Variants in SCML4 observed in about 807,000 individuals in gnomAD.
The protein encoded by SCML4 is sex comb on midleg-like protein 4.
A neutral mutation model predicts 41.1 loss-of-function variants in SCML4; 34 were observed. That is an observed-to-expected ratio of 0.83 (90% confidence interval 0.63 to 1.10). The LOEUF is 1.10. Among genes scored for constraint, SCML4 ranks in the 50% least tolerant of loss-of-function variants. SCML4 has a pLI of 0.00. For synonymous variants in SCML4, 214 were observed against 220.9 expected (o/e 0.97, Z 0.28); for missense variants, 522 against 534.1 (o/e 0.98, Z 0.22).
At chr6:107,738,768 C>T (rs1231401586) in intron 5 of SCML4, among the ~76,000 whole-genome samples, 2 of 152,154 alleles carry the variant, frequency 1.3e-5, no homozygotes, top group Non-Finnish European at 2.9e-5. Flanking sequence ...GAGGCCCTTG[C>T]TAATGCTTTG....
Position 107,750,205 on chromosome 6 carries a change from A to G in SCML4, c.157-392T>C, listed in dbSNP as rs75051931. Among the ~76,000 whole-genome samples the G allele has an allele frequency of 5.1e-3, 770 of 152,318 alleles. 11 individuals carry two copies. The East Asian group carries it at 0.063, about 12-fold the overall frequency. On this transcript the variant is annotated intron_variant, in intron 2 of 7. Coordinates refer to ENST00000369020, the MANE Select transcript of SCML4 (RefSeq NM_198081.5). The stretch of plus-strand genomic sequence containing the variant: ...GGGCTTTCCCTGTATCCACCCAACC[A>G]GAGACCAACCCTTCACTGTCTCCCA...
At chr6:107,831,006 G>T in the SCML4 span, among the ~76,000 whole-genome samples, 1 of 152,138 alleles carries the variant, frequency 6.6e-6, no homozygotes. Context: ...ATTAGCAAAT[G>T]TGAGTCTCAG....
intron 6 of SCML4, among the ~76,000 whole-genome samples, chr6:107,717,462 C>T (rs187721293): frequency 3.4e-4 from 52 of 152,326 alleles, no homozygotes; most frequent in African/African-American, 1.2e-3. Flanking sequence ...CGATTTTAAA[C>T]ATCCCACAGT....
chr6:107,709,014 C>T (rs758977093), intron 6 of SCML4, among the ~76,000 whole-genome samples: 7 of 152,154 alleles, frequency 4.6e-5, no homozygotes, highest in Admixed American at 1.3e-4. Flanking sequence ...GAGAATGCCT[C>T]TGATGCTGAT....
the SCML4 span, among the ~76,000 whole-genome samples, chr6:107,841,502 T>C: frequency 6.6e-6 from 1 of 152,164 alleles, no homozygotes; most frequent in Non-Finnish European, 1.5e-5. Flanking sequence ...AAACACTCCT[T>C]TACAGCTGAG....
chr6:107,837,710 T>C, the SCML4 span, among the ~76,000 whole-genome samples: 1 of 152,094 alleles, frequency 6.6e-6, no homozygotes, highest in African/African-American at 2.4e-5. Flanking sequence ...CCTAAGGATT[T>C]GTTGAGTATA....
rs1338555222 is a variant in SCML4, at chr6:107,720,878, CGAG to C, written c.795_797del (p.Ser266del). 18 of 1,613,972 alleles carry C rather than the reference CGAG, an allele frequency of 1.1e-5. No individual in the cohort carries two copies. Among genetic ancestry groups the C allele is most frequent in the Non-Finnish European group, 1.3e-5 (15 of 1,180,022 alleles). The stretch of plus-strand genomic sequence containing the variant: ...CAGAGTTCTGCCTCTTGCAGTACAG[CGAG>C]GAGGAGGGGTGCAAGGAGCCCCTGT... On this transcript the variant is annotated inframe_deletion, in exon 6 of 8. Transcript: ENST00000369020.
At chr6:107,825,296 AG>A (rs1430617107), upstream of SCML4, among the ~76,000 whole-genome samples, 1 of 152,234 alleles carries the variant, frequency 6.6e-6, no homozygotes, top group Non-Finnish European at 1.5e-5. Context: ...AAACAAATTT[AG>A]CCGGGACTAA....
the SCML4 span, among the ~76,000 whole-genome samples, chr6:107,837,404 G>T: frequency 3.9e-5 from 6 of 152,182 alleles, no homozygotes; most frequent in Admixed American, 2.0e-4. Flanking sequence ...TAGGCATTAT[G>T]GTCCCTGACC....
Position 107,720,768 on chromosome 6 carries a change from G to C in SCML4, c.908C>G (p.Pro303Arg), listed in dbSNP as rs777935047. The C allele has an allele frequency of 2.5e-6, 4 of 1,611,860 alleles. No individual in the cohort carries two copies. The highest frequency in any genetic ancestry group is 3.4e-6 in the Non-Finnish European group (4 of 1,178,784). The stretch of plus-strand genomic sequence containing the variant: ...GCTGGAGGCTGGAGGCCTCAGCCCA[G>C]GTGCCGAGGGGCCACCAGAAGACAT... Reference protein sequence around the residue: ...SPMSSGGPSAPGLRPPASSPK... With the variant: ...SPMSSGGPSARGLRPPASSPK... Residue 303 changes from proline (P) to arginine (R), a missense_variant, in exon 6 of 8, where the codon CCT becomes CGT. By Grantham distance (103) the Pro-to-Arg change is moderately radical (BLOSUM62 -2). Transcript: ENST00000369020.
intron 2 of SCML4, among the ~76,000 whole-genome samples, chr6:107,752,202 TTTG>T (rs754815681): frequency 2.0e-5 from 3 of 152,026 alleles, no homozygotes; most frequent in Non-Finnish European, 4.4e-5. Flanking sequence ...GAGTAGTTTT[TTTG>T]TTGTTGTTGT....
At chr6:107,801,239 C>G (rs1783095699) in intron 1 of SCML4, among the ~76,000 whole-genome samples, 1 of 152,216 alleles carries the variant, frequency 6.6e-6, no homozygotes, top group African/African-American at 2.4e-5. Context: ...TAAGCCCACT[C>G]TTCCATTGCA....
chr6:107,770,619 A>G (rs914547910), intron 2 of SCML4, among the ~76,000 whole-genome samples: 1 of 152,210 alleles, frequency 6.6e-6, no homozygotes, highest in Non-Finnish European at 1.5e-5. Context: ...TTATCAGCCA[A>G]CCAACCCAAA....
At chr6:107,721,562 C>G (rs1200594197) in intron 5 of SCML4, among the ~76,000 whole-genome samples, 3 of 151,746 alleles carry the variant, frequency 2.0e-5, no homozygotes, top group African/African-American at 7.3e-5. Context: ...CAAAGACTTT[C>G]TTCTGCAGTG....
chr6:107,795,606 C>A (rs1333490798), intron 1 of SCML4, among the ~76,000 whole-genome samples: 3 of 152,192 alleles, frequency 2.0e-5, no homozygotes, highest in Non-Finnish European at 4.4e-5. Context: ...CAGCTCACTG[C>A]AACCTCCACT....
chr6:107,839,407 A>AAGAAAGAAAGAAAGAAAG, the SCML4 span, among the ~76,000 whole-genome samples: 6 of 146,368 alleles, frequency 4.1e-5, no homozygotes, highest in African/African-American at 1.6e-4. Flanking sequence ...GAAAGAAAGA[A>AAGAAAGAAAGAAAGAAAG]AGAGGAAGAA....
At chr6:107,707,557 G>A (rs1773779274) in intron 7 of SCML4, among the ~76,000 whole-genome samples, 2 of 152,198 alleles carry the variant, frequency 1.3e-5, no homozygotes, top group South Asian at 4.1e-4. Flanking sequence ...TTGGTGTGCT[G>A]TGAATGTTTG....
intron 6 of SCML4, among the ~76,000 whole-genome samples, chr6:107,717,248 A>G (rs1462263678): frequency 7.0e-6 from 1 of 143,880 alleles, no homozygotes. Flanking sequence ...TGAACCCAAG[A>G]GGCAGAGCTT....
At chr6:107,757,279 G>C (rs183456858) in intron 2 of SCML4, among the ~76,000 whole-genome samples, 1 of 152,220 alleles carries the variant, frequency 6.6e-6, no homozygotes, top group Non-Finnish European at 1.5e-5. Context: ...GGGGGAAACG[G>C]AGATGTGCGG....
Sources: gnomAD v4.1 joint callset for allele counts (sites outside exome capture counted in the v4.1 genomes callset) on GRCh38, gnomAD v4.1.1 for gene constraint, MANE v1.5 for transcripts, NCBI Gene and HGNC (gene_info 2026-07-23, HGNC 2026-07-21) for gene names.